Variants in CD163L1 observed in about 807,000 individuals in gnomAD.
CD163L1 encodes the protein scavenger receptor cysteine-rich type 1 protein M160.
CD163L1 carries 124 observed loss-of-function variants against 165.4 expected under a neutral mutation model. The observed-to-expected ratio is 0.75, with a 90% confidence interval of 0.65 to 0.87. The LOEUF is 0.87. CD163L1 is among the 40% of genes least tolerant of loss of function. CD163L1 has a pLI of 0.00. For synonymous variants in CD163L1, 585 were observed against 662.2 expected (o/e 0.88, Z 1.79); for missense variants, 1,525 against 1,799.9 (o/e 0.85, Z 2.76).
chr12:7,369,561 C>T lies in CD163L1; in HGVS notation c.3835G>A (p.Glu1279Lys), dbSNP rs180919887. 7.1e-5 allele frequency: 115 copies of T among 1,614,192 alleles called. No individual in the cohort carries two copies. The East Asian group carries it at 2.1e-3, about 30-fold the overall frequency. ...AGCTGCTGACACACCACTTCCGCCTCGGCCAGGTCCCAGGAGTCATCACAC... is the reference window on the plus strand; with the variant it reads ...AGCTGCTGACACACCACTTCCGCCTTGGCCAGGTCCCAGGAGTCATCACAC... Reference protein sequence around the residue: ...TVCDDSWDLAEAEVVCQQLGC... With the variant: ...TVCDDSWDLAKAEVVCQQLGC... The change falls in exon 15 of 20, where the codon GAG becomes AAG. Residue 1279 changes from glutamate to lysine, a missense_variant. Physicochemically the swap from Glu to Lys is moderately conservative, Grantham distance 56 (BLOSUM62 1). Transcript: ENST00000313599. This position sits in a 1 kb window ranked among gnomAD's most constrained non-coding sequence, Gnocchi z 4.9.
the CD163L1 span, among the ~76,000 whole-genome samples, chr12:7,326,431 A>G: frequency 2.6e-5 from 4 of 152,144 alleles, no homozygotes; most frequent in Non-Finnish European, 4.4e-5. Flanking sequence ...GCTGGTTTCA[A>G]ACTCCGGGGC....
At chr12:7,402,421 A>G (rs1255254020) in intron 6 of CD163L1, among the ~76,000 whole-genome samples, 1 of 151,920 alleles carries the variant, frequency 6.6e-6, no homozygotes, top group Non-Finnish European at 1.5e-5. Flanking sequence ...CATTTATCCT[A>G]TATCTATCAT....
At chr12:7,443,000 T>G (rs1368174416) in intron 1 of CD163L1, among the ~76,000 whole-genome samples, 4 of 152,198 alleles carry the variant, frequency 2.6e-5, no homozygotes, top group African/African-American at 7.2e-5. Context: ...CCTTCATCTT[T>G]CCCATTCCTT....
the CD163L1 span, chr12:7,324,704 T>C: frequency 8.3e-7 from 1 of 1,211,752 alleles, no homozygotes; most frequent in Non-Finnish European, 1.2e-6. Flanking sequence ...TAATTCTCGT[T>C]ATGAAGCATG....
intron 18 of CD163L1, among the ~76,000 whole-genome samples, chr12:7,361,158 T>C (rs1292354968): frequency 2.6e-5 from 4 of 152,220 alleles, no homozygotes; most frequent in Non-Finnish European, 5.9e-5. Flanking sequence ...TATATATATA[T>C]TTTCATTCAT....
intron 4 of CD163L1, among the ~76,000 whole-genome samples, chr12:7,429,780 G>A (rs1948599513): frequency 6.6e-6 from 1 of 151,938 alleles, no homozygotes; most frequent in African/African-American, 2.4e-5. Flanking sequence ...TCCAAGCTTG[G>A]CTCTCAAAAG....
At chr12:7,334,242 TAA>T in the CD163L1 span, among the ~76,000 whole-genome samples, 1 of 152,168 alleles carries the variant, frequency 6.6e-6, no homozygotes, top group African/African-American at 2.4e-5. Context: ...AAATCCTCAA[TAA>T]AATACTGGCA....
chr12:7,342,639 CCT>C (rs1211061202), downstream of CD163L1, among the ~76,000 whole-genome samples: 3 of 152,120 alleles, frequency 2.0e-5, no homozygotes, highest in Non-Finnish European at 4.4e-5. Flanking sequence ...GTTGCATTTT[CCT>C]CCAGCCTTGG....
downstream of CD163L1, among the ~76,000 whole-genome samples, chr12:7,345,539 A>G (rs752083141): frequency 1.2e-4 from 19 of 152,168 alleles, no homozygotes; most frequent in Non-Finnish European, 2.6e-4. Flanking sequence ...AGAAGTTGCA[A>G]ACTTTCCCAC....
chr12:7,384,650 G>A (rs1947478465), intron 8 of CD163L1, among the ~76,000 whole-genome samples: 1 of 152,068 alleles, frequency 6.6e-6, no homozygotes, highest in African/African-American at 2.4e-5. Flanking sequence ...TGTATTCAAA[G>A]TGCTAAAAGA....
intron 4 of CD163L1, among the ~76,000 whole-genome samples, chr12:7,425,778 A>G (rs1948530277): frequency 6.6e-6 from 1 of 152,190 alleles, no homozygotes; most frequent in Admixed American, 6.5e-5. Flanking sequence ...ACAATGAGAT[A>G]CATCTCACAC....
chr12:7,329,243 T>C, the CD163L1 span, among the ~76,000 whole-genome samples: 1 of 148,670 alleles, frequency 6.7e-6, no homozygotes, highest in Non-Finnish European at 1.5e-5. Context: ...AGAATACCAA[T>C]CTTTAGGGAA....
At chr12:7,326,681 G>T in the CD163L1 span, among the ~76,000 whole-genome samples, 1 of 152,192 alleles carries the variant, frequency 6.6e-6, no homozygotes, top group African/African-American at 2.4e-5. Flanking sequence ...GACTGTCTGT[G>T]TAATAAATAG....
chr12:7,391,941 A>G (rs1947664196), intron 8 of CD163L1, among the ~76,000 whole-genome samples: 1 of 152,196 alleles, frequency 6.6e-6, no homozygotes, highest in Non-Finnish European at 1.5e-5. Flanking sequence ...TTAGAGACCT[A>G]CAAAGAGACT....
In CD163L1 at chr12:7,379,136, C is replaced by T. The variant is rs771569272; in HGVS notation, c.2213G>A (p.Arg738Lys). The change falls in exon 9 of 20, where the codon AGG becomes AAG. Residue 738 changes from arginine to lysine, a missense_variant. Arg to Lys is a conservative substitution (Grantham distance 26, BLOSUM62 2). Coordinates refer to ENST00000313599, the MANE Select transcript of CD163L1 (RefSeq NM_174941.6). The stretch of plus-strand genomic sequence containing the variant: ...TGTGAAATGAGGCTCTCTGGAGACC[C>T]TGATTGCAGACCCACATTCAAGTTG... ...CRQLECGSAI[R>K]VSREPHFTER... 33 of 1,614,024 alleles carry T rather than the reference C, an allele frequency of 2.0e-5. 1 individual carries two copies. In the South Asian group the frequency reaches 3.0e-4, roughly 14 times the overall value.
intron 18 of CD163L1, among the ~76,000 whole-genome samples, chr12:7,360,725 T>C (rs2136384327): frequency 6.6e-6 from 1 of 152,330 alleles, no homozygotes; most frequent in Non-Finnish European, 1.5e-5. Flanking sequence ...AGAATATGGC[T>C]ATAATAGCTT....
At position 7,368,212 on chromosome 12, in the gene CD163L1, A is replaced by G. The variant is rs189181460; in HGVS notation, c.4073-15T>C. On this transcript the variant is annotated splice_polypyrimidine_tract_variant and intron_variant, in intron 16 of 19. Transcript: ENST00000313599. The surrounding 1 kb of genome is among the most constrained non-coding windows in gnomAD (Gnocchi z 4.3). ...TGCTAAATGACCTGTATAGAAATTA[A>G]GCATTGATAAGTATTAAACTAGTAG... is the stretch of plus-strand genomic sequence containing the variant. 2.1e-6 allele frequency: 3 copies of G among 1,400,012 alleles called. No homozygotes were observed. Among genetic ancestry groups the G allele is most frequent in the Admixed American group, 3.4e-5 (2 of 58,788 alleles). The allele number at this position is 1,400,012 out of a possible 1,614,324, so 86.7% of individuals were successfully genotyped here.
chr12:7,429,549 C>G (rs1948596372), intron 4 of CD163L1, among the ~76,000 whole-genome samples: 1 of 152,116 alleles, frequency 6.6e-6, no homozygotes, highest in Admixed American at 6.5e-5. Context: ...TTAAATGGTA[C>G]TACTAGCTAC....
intron 18 of CD163L1, among the ~76,000 whole-genome samples, chr12:7,363,757 C>T (rs1237343272): frequency 1.4e-5 from 2 of 147,508 alleles, no homozygotes; most frequent in Non-Finnish European, 3.0e-5. Context: ...AAATCAATAA[C>T]AAGTCATGAG....
Sources: gnomAD v4.1 joint callset for allele counts (sites outside exome capture counted in the v4.1 genomes callset) on GRCh38, gnomAD v4.1.1 for gene constraint, Gnocchi (gnomAD v3.1) non-coding constraint, MANE v1.5 for transcripts, NCBI Gene and HGNC (gene_info 2026-07-23, HGNC 2026-07-21) for gene names.